OLIG2: variants seen among roughly 807,000 people sequenced by gnomAD.
OLIG2 encodes the protein basic domain, helix-loop-helix protein, class B, 1.
A neutral mutation model predicts 13.4 loss-of-function variants in OLIG2; 12 were observed. The ratio of observed to expected loss-of-function variants is 0.90; its 90% CI spans 0.58 to 1.46. OLIG2 has a LOEUF of 1.46. Among genes scored for constraint, OLIG2 ranks in the 40% most tolerant of loss-of-function variants. The probability of loss-of-function intolerance (pLI) is 0.00; values close to 1 mark genes in which losing one functional copy is unlikely to be tolerated. For missense variants in OLIG2, 415 were observed against 487.9 expected (o/e 0.85, Z 1.41); for synonymous variants, 250 against 233.6 (o/e 1.07, Z -0.64).
Position 33,026,757 on chromosome 21 carries a change from T to A in OLIG2, c.-62-44T>A, listed in dbSNP as rs7509885. 1.6e-6 allele frequency: 2 copies of A among 1,276,118 alleles called. No homozygotes were observed. The highest frequency in any genetic ancestry group is 1.7e-5 in the African/African-American group (1 of 57,774). The allele number at this position is 1,276,118 out of a possible 1,614,324, so 79.0% of individuals were successfully genotyped here. A position where few individuals can be genotyped will look rare whatever the true frequency, so the allele number is the denominator to read the frequency against. On this transcript the variant is annotated intron_variant, in intron 1 of 1. Coordinates refer to ENST00000382357, the MANE Select transcript of OLIG2 (RefSeq NM_005806.4). The surrounding 1 kb of genome is among the most constrained non-coding windows in gnomAD (Gnocchi z 6.6). ...GACTCACTCTCTCTCTCTCTCCCTC[T>A]CTCTCTCTCTCATTCTCTCTCTTTT...
rs527772945 is a variant in OLIG2, at chr21:33,027,799, G to C, written c.937G>C (p.Gly313Arg). 2 of 1,427,354 alleles carry C rather than the reference G, an allele frequency of 1.4e-6. No homozygotes were observed. The highest frequency in any genetic ancestry group is 2.8e-5 in the South Asian group (2 of 70,872). 88.4% of individuals were successfully genotyped at this position (1,427,354 alleles called of 1,614,324 possible). The change falls in exon 2 of 2, where the codon GGC becomes CGC. Residue 313 changes from glycine (G) to arginine (R), a missense_variant. Physicochemically the swap from Gly to Arg is moderately radical, Grantham distance 125. Transcript: ENST00000382357. ...CCACCACGTGTCGGCTATGGGCGCC[G>C]GCAGCCTGCCGCGCCTCACCTCCGA... ...PHHHVSAMGAGSLPRLTSDAK is the reference protein window; with the variant it reads ...PHHHVSAMGARSLPRLTSDAK
At position 33,026,742 on chromosome 21, in the gene OLIG2, C is replaced by G. The variant is rs1981087229; in HGVS notation, c.-62-59C>G. ...TTTCTGTCTCTCACTGACTCACTCT[C>G]TCTCTCTCTCCCTCTCTCTCTCTCT... On this transcript the variant is annotated intron_variant, in intron 1 of 1. Coordinates refer to ENST00000382357, the MANE Select transcript of OLIG2 (RefSeq NM_005806.4). The surrounding 1 kb of genome is among the most constrained non-coding windows in gnomAD (Gnocchi z 6.6). 5.4e-6 allele frequency: 7 copies of G among 1,286,624 alleles called. No individual in the cohort carries two copies. Among genetic ancestry groups the G allele is most frequent in the African/African-American group, 1.5e-5 (1 of 66,934 alleles). The allele number at this position is 1,286,624 out of a possible 1,614,324, so 79.7% of individuals were successfully genotyped here.
In OLIG2 at chr21:33,027,804, C is replaced by T. The variant is rs1483833149; in HGVS notation, c.942C>T (p.Ser314=). 7.0e-7 allele frequency: 1 copy of T among 1,426,552 alleles called. No homozygotes were observed. Among genetic ancestry groups the T allele is most frequent in the Non-Finnish European group, 9.1e-7 (1 of 1,096,430 alleles). 88.4% of individuals were successfully genotyped at this position (1,426,552 alleles called of 1,614,324 possible). Reference sequence around the variant, plus strand: ...ACGTGTCGGCTATGGGCGCCGGCAGCCTGCCGCGCCTCACCTCCGACGCCA... The same window carrying T: ...ACGTGTCGGCTATGGGCGCCGGCAGTCTGCCGCGCCTCACCTCCGACGCCA... ...HHHVSAMGAG[S]LPRLTSDAK The change falls in exon 2 of 2, where the codon AGC becomes AGT. Residue 314 remains serine (S), a synonymous_variant. Transcript: ENST00000382357.
Position 33,027,809 on chromosome 21 carries a change from C to A in OLIG2, c.947C>A (p.Pro316Gln), listed in dbSNP as rs555780794. 3 of 1,425,738 alleles carry A rather than the reference C, an allele frequency of 2.1e-6. No individual in the cohort carries two copies. The highest frequency in any genetic ancestry group is 2.7e-6 in the Non-Finnish European group (3 of 1,096,676). The allele number at this position is 1,425,738 out of a possible 1,614,324, so 88.3% of individuals were successfully genotyped here. A position where few individuals can be genotyped will look rare whatever the true frequency, so the allele number is the denominator to read the frequency against. Residue 316 changes from proline to glutamine, a missense_variant, in exon 2 of 2, where the codon CCG becomes CAG. Transcript: ENST00000382357. ...HVSAMGAGSL[P>Q]RLTSDAK ...TCGGCTATGGGCGCCGGCAGCCTGC[C>A]GCGCCTCACCTCCGACGCCAAGTGA...
At position 33,026,747 on chromosome 21, in the gene OLIG2, T is replaced by C. The variant is rs1270920921; in HGVS notation, c.-62-54T>C. 5 of 1,314,572 alleles carry C rather than the reference T, an allele frequency of 3.8e-6. No individual in the cohort carries two copies. 81.4% of individuals were successfully genotyped at this position (1,314,572 alleles called of 1,614,324 possible). ...GTCTCTCACTGACTCACTCTCTCTC[T>C]CTCTCCCTCTCTCTCTCTCTCATTC... On this transcript the variant is annotated intron_variant, in intron 1 of 1. Transcript: ENST00000382357. The surrounding 1 kb of genome is among the most constrained non-coding windows in gnomAD (Gnocchi z 6.6).
In OLIG2 at chr21:33,026,555, A is replaced by G. The variant is rs527627403; in HGVS notation, c.-62-246A>G. The G allele has an allele frequency of 5.1e-6, 2 of 392,644 alleles. No individual in the cohort carries two copies. The highest frequency in any genetic ancestry group is 6.8e-5 in the South Asian group (2 of 29,506). 24.3% of individuals were successfully genotyped at this position (392,644 alleles called of 1,614,324 possible). On this transcript the variant is annotated intron_variant, in intron 1 of 1. Transcript: ENST00000382357. This position sits in a 1 kb window ranked among gnomAD's most constrained non-coding sequence, Gnocchi z 6.6. The stretch of plus-strand genomic sequence containing the variant: ...AGGGTCACCAACGCTCCCTGAAATA[A>G]CCTGTTGCATGAGAGCAGAGGGGAG...
Position 33,027,378 on chromosome 21 carries a change from G to C in OLIG2, c.516G>C (p.Leu172=). Residue 172 remains leucine (L), a synonymous_variant, in exon 2 of 2, where the codon CTG becomes CTC. Transcript: ENST00000382357. ...LTNSLEEMKR[L]VSEIYGGHHA... Reference sequence around the variant, plus strand: ...ACTCGCTGGAGGAGATGAAGCGACTGGTGAGCGAGATCTACGGGGGCCACC... The same window carrying C: ...ACTCGCTGGAGGAGATGAAGCGACTCGTGAGCGAGATCTACGGGGGCCACC... The C allele has an allele frequency of 6.4e-7, 1 of 1,551,612 alleles. No individual in the cohort carries two copies. The highest frequency in any genetic ancestry group is 2.4e-5 in the East Asian group (1 of 41,006).
rs560506348 is a variant in OLIG2 at position 33,027,038 on chromosome 21, T to C, written c.176T>C (p.Met59Thr). Residue 59 changes from methionine (M) to threonine (T), a missense_variant, in exon 2 of 2, where the codon ATG (methionine) becomes ACG (threonine). By Grantham distance (81) the Met-to-Thr change is moderately conservative (BLOSUM62 -1). Transcript: ENST00000382357. ...CTGAGCGCCGAGCTGCGCGGCGCTA[T>C]GGGCTCTGCGGGCGCGCATCCTGGG... ...PELSAELRGAMGSAGAHPGDK... is the reference protein window; with the variant it reads ...PELSAELRGATGSAGAHPGDK... 3 of 1,611,990 alleles carry C rather than the reference T, an allele frequency of 1.9e-6. No individual in the cohort carries two copies. The highest frequency in any genetic ancestry group is 2.5e-6 in the Non-Finnish European group (3 of 1,179,206).
In OLIG2 at chr21:33,027,625, C is replaced by T; in HGVS notation, c.763C>T (p.Arg255Cys). ...GSGLPSVGSI[R>C]PPHGLLKSPS... ...CGGGCTGCCGTCGGTCGGCTCCATC[C>T]GTCCACCGCACGGCCTACTCAAGTC... The change falls in exon 2 of 2, where the codon CGT becomes TGT. Residue 255 changes from arginine to cysteine, a missense_variant. Coordinates refer to ENST00000382357, the MANE Select transcript of OLIG2 (RefSeq NM_005806.4). 6.8e-7 allele frequency: 1 copy of T among 1,475,414 alleles called. No individual in the cohort carries two copies. The highest frequency in any genetic ancestry group is 1.3e-5 in the South Asian group (1 of 78,078). The allele number at this position is 1,475,414 out of a possible 1,614,324, so 91.4% of individuals were successfully genotyped here.
Position 33,027,915 on chromosome 21 carries a change from G to T in OLIG2, c.*81G>T. On this transcript the variant is annotated 3_prime_UTR_variant, in exon 2 of 2. Transcript: ENST00000382357. ...GAGGACTGGCCTGCGCTGGGCTCGGGAGCTCTGTCGCGAGGAGGGGCGCAG... is the reference window on the plus strand; with the variant it reads ...GAGGACTGGCCTGCGCTGGGCTCGGTAGCTCTGTCGCGAGGAGGGGCGCAG... The T allele has an allele frequency of 7.6e-7, 1 of 1,312,724 alleles. No individual in the cohort carries two copies. The highest frequency in any genetic ancestry group is 2.1e-5 in the South Asian group (1 of 47,784). The allele number at this position is 1,312,724 out of a possible 1,614,324, so 81.3% of individuals were successfully genotyped here. A position where few individuals can be genotyped will look rare whatever the true frequency, so the allele number is the denominator to read the frequency against.
In OLIG2 at chr21:33,027,401, A is replaced by G. The variant is rs1981131508; in HGVS notation, c.539A>G (p.His180Arg). The G allele has an allele frequency of 1.3e-6, 2 of 1,547,430 alleles. No individual in the cohort carries two copies. The highest frequency in any genetic ancestry group is 1.7e-6 in the Non-Finnish European group (2 of 1,146,790). Residue 180 changes from histidine to arginine, a missense_variant, in exon 2 of 2, where the codon CAC (histidine) becomes CGC (arginine). Coordinates refer to ENST00000382357, the MANE Select transcript of OLIG2 (RefSeq NM_005806.4). ...CTGGTGAGCGAGATCTACGGGGGCC[A>G]CCACGCTGGCTTCCACCCGTCGGCC... The part of the protein sequence containing the change: ...KRLVSEIYGG[H>R]HAGFHPSACG...
Position 33,028,279 on chromosome 21 carries a change from T to C in OLIG2, c.*445T>C. 1 of 244,540 alleles carries C rather than the reference T, an allele frequency of 4.1e-6. No individual in the cohort carries two copies. The highest frequency in any genetic ancestry group is 8.5e-6 in the Non-Finnish European group (1 of 117,334). The allele number at this position is 244,540 out of a possible 1,614,324, so 15.1% of individuals were successfully genotyped here. A position where few individuals can be genotyped will look rare whatever the true frequency, so the allele number is the denominator to read the frequency against. ...ATGGGAGGGGGACACATTGGGGCCT[T>C]GCTCCTCTTCCTCCTTTCTTGGCGG... On this transcript the variant is annotated 3_prime_UTR_variant, in exon 2 of 2. Coordinates refer to ENST00000382357, the MANE Select transcript of OLIG2 (RefSeq NM_005806.4).
rs370788075 is a variant in OLIG2, at chr21:33,029,001, T to C, written c.*1167T>C. On this transcript the variant is annotated 3_prime_UTR_variant, in exon 2 of 2. Coordinates refer to ENST00000382357, the MANE Select transcript of OLIG2 (RefSeq NM_005806.4). Reference sequence around the variant, plus strand: ...CGTTCCGTGCAAGCCGCCTCGGCGCTGCCTGCGTTGCAAACTGGGCTTTGT... The same window carrying C: ...CGTTCCGTGCAAGCCGCCTCGGCGCCGCCTGCGTTGCAAACTGGGCTTTGT... The C allele has an allele frequency of 1.2e-5, 3 of 241,442 alleles. No individual in the cohort carries two copies. The highest frequency in any genetic ancestry group is 2.6e-5 in the Non-Finnish European group (3 of 113,968). The allele number at this position is 241,442 out of a possible 1,614,324, so 15.0% of individuals were successfully genotyped here.
In OLIG2 at chr21:33,027,795, C is replaced by A. The variant is rs1275598206; in HGVS notation, c.933C>A (p.Gly311=). The change falls in exon 2 of 2, where the codon GGC becomes GGA. Residue 311 remains glycine (G), a synonymous_variant. Coordinates refer to ENST00000382357, the MANE Select transcript of OLIG2 (RefSeq NM_005806.4). ...CGCACCACCACGTGTCGGCTATGGGCGCCGGCAGCCTGCCGCGCCTCACCT... is the reference window on the plus strand; with the variant it reads ...CGCACCACCACGTGTCGGCTATGGGAGCCGGCAGCCTGCCGCGCCTCACCT... The part of the protein sequence containing the change: ...PPPHHHVSAM[G]AGSLPRLTSD... 7 of 1,427,146 alleles carry A rather than the reference C, an allele frequency of 4.9e-6. No homozygotes were observed. Among genetic ancestry groups the A allele is most frequent in the South Asian group, 2.8e-5 (2 of 70,932 alleles). The allele number at this position is 1,427,146 out of a possible 1,614,324, so 88.4% of individuals were successfully genotyped here.
At position 33,026,892 on chromosome 21, in the gene OLIG2, C is replaced by A; in HGVS notation, c.30C>A (p.Ser10Arg). 4 of 1,610,826 alleles carry A rather than the reference C, an allele frequency of 2.5e-6. No homozygotes were observed. Among genetic ancestry groups the A allele is most frequent in the Non-Finnish European group, 3.4e-6 (4 of 1,179,924 alleles). Residue 10 changes from serine to arginine, a missense_variant, in exon 2 of 2, where the codon AGC becomes AGA. Ser to Arg is a moderately radical substitution (Grantham distance 110). Coordinates refer to ENST00000382357, the MANE Select transcript of OLIG2 (RefSeq NM_005806.4). This position sits in a 1 kb window ranked among gnomAD's most constrained non-coding sequence, Gnocchi z 6.6. MDSDASLVS[S>R]RPSSPEPDDL... ...ACTCGGACGCCAGCCTGGTGTCCAG[C>A]CGCCCGTCGTCGCCAGAGCCCGATG...
Position 33,027,829 on chromosome 21 carries a change from A to G in OLIG2, c.967A>G (p.Lys323Glu). 1 of 1,403,848 alleles carries G rather than the reference A, an allele frequency of 7.1e-7. No homozygotes were observed. The highest frequency in any genetic ancestry group is 9.2e-7 in the Non-Finnish European group (1 of 1,087,016). 87.0% of individuals were successfully genotyped at this position (1,403,848 alleles called of 1,614,324 possible). A position where few individuals can be genotyped will look rare whatever the true frequency, so the allele number is the denominator to read the frequency against. ...GSLPRLTSDA[K>E] ...CCTGCCGCGCCTCACCTCCGACGCC[A>G]AGTGAGCCGACTGGCGCCGGCGCGT... The change falls in exon 2 of 2, where the codon AAG becomes GAG. Residue 323 changes from lysine (K) to glutamate (E), a missense_variant. Physicochemically the swap from Lys to Glu is moderately conservative, Grantham distance 56. This residue lies in a region of OLIG2 where 243 missense variants were observed against 241.2 expected (regional missense o/e 1.01). Coordinates refer to ENST00000382357, the MANE Select transcript of OLIG2 (RefSeq NM_005806.4).
chr21:33,027,353 A>G lies in OLIG2; in HGVS notation c.491A>G (p.Asn164Ser), dbSNP rs773281190. 4 of 1,563,024 alleles carry G rather than the reference A, an allele frequency of 2.6e-6. No homozygotes were observed. In the East Asian group the frequency reaches 9.6e-5, roughly 37 times the overall value. The change falls in exon 2 of 2, where the codon AAC becomes AGC. Residue 164 changes from asparagine to serine, a missense_variant. By Grantham distance (46) the Asn-to-Ser change is conservative. This residue lies in a region of OLIG2 where 50 missense variants were observed against 119.9 expected (regional missense o/e 0.42). Coordinates refer to ENST00000382357, the MANE Select transcript of OLIG2 (RefSeq NM_005806.4). ...CGCAACTACATCCTCATGCTCACCA[A>G]CTCGCTGGAGGAGATGAAGCGACTG... ...LARNYILMLT[N>S]SLEEMKRLVS...
chr21:33,027,828 C>A lies in OLIG2; in HGVS notation c.966C>A (p.Ala322=). The change falls in exon 2 of 2, where the codon GCC becomes GCA. Residue 322 remains alanine, a synonymous_variant. Coordinates refer to ENST00000382357, the MANE Select transcript of OLIG2 (RefSeq NM_005806.4). Reference sequence around the variant, plus strand: ...GCCTGCCGCGCCTCACCTCCGACGCCAAGTGAGCCGACTGGCGCCGGCGCG... The same window carrying A: ...GCCTGCCGCGCCTCACCTCCGACGCAAAGTGAGCCGACTGGCGCCGGCGCG... ...AGSLPRLTSD[A]K The A allele has an allele frequency of 7.1e-7, 1 of 1,405,092 alleles. No homozygotes were observed. 87.0% of individuals were successfully genotyped at this position (1,405,092 alleles called of 1,614,324 possible). A position where few individuals can be genotyped will look rare whatever the true frequency, so the allele number is the denominator to read the frequency against.
Position 33,027,472 on chromosome 21 carries a change from C to T in OLIG2, c.610C>T (p.His204Tyr). Residue 204 changes from histidine (H) to tyrosine (Y), a missense_variant, in exon 2 of 2, where the codon CAC becomes TAC. This residue lies in a region of OLIG2 where 243 missense variants were observed against 241.2 expected (regional missense o/e 1.01). Coordinates refer to ENST00000382357, the MANE Select transcript of OLIG2 (RefSeq NM_005806.4). ...HSAPLPAATA[H>Y]PAAAAHAAHH... ...CGCGCCCCTGCCCGCCGCCACCGCG[C>T]ACCCGGCAGCAGCAGCGCACGCCGC... The T allele has an allele frequency of 6.8e-7, 1 of 1,479,732 alleles. No individual in the cohort carries two copies. Among genetic ancestry groups the T allele is most frequent in the Non-Finnish European group, 8.9e-7 (1 of 1,125,332 alleles). 91.7% of individuals were successfully genotyped at this position (1,479,732 alleles called of 1,614,324 possible).
Sources: allele counts gnomAD v4.1 joint callset, GRCh38; gene constraint gnomAD v4.1.1; regional missense constraint gnomAD v4.1.1; non-coding constraint Gnocchi (gnomAD v3.1); transcripts MANE v1.5; gene names NCBI Gene and HGNC (gene_info 2026-07-23, HGNC 2026-07-21).